The following MCCC1 variants were observed in gnomAD, a reference collection of about 807,000 sequenced individuals.
MCCC1 encodes the protein methylcrotonyl-CoA carboxylase subunit 1.
MCCC1 carries 64 observed loss-of-function variants against 83.8 expected under a neutral mutation model. That is an observed-to-expected ratio of 0.76 (90% confidence interval 0.62 to 0.94). MCCC1 has a LOEUF of 0.94. MCCC1 is among the 40% of genes least tolerant of loss of function. The pLI is 0.00. For missense variants in MCCC1, 807 were observed against 904.7 expected, an observed-to-expected ratio of 0.89 and a Z score of 1.39; for synonymous variants, 322 against 315.4, an observed-to-expected ratio of 1.02 and a Z score of -0.22.
At chr3:183,021,692 C>A (rs1374990565) in intron 16 of MCCC1, among the ~76,000 whole-genome samples, 4 of 152,170 alleles carry the variant, frequency 2.6e-5, no homozygotes, top group Non-Finnish European at 4.4e-5. Context: ...CGGCCTCTAT[C>A]ATCATATTAC....
intron 1 of MCCC1, among the ~76,000 whole-genome samples, chr3:183,113,008 G>A (rs1039732867): frequency 2.6e-5 from 4 of 152,006 alleles, no homozygotes; most frequent in Admixed American, 2.0e-4. Flanking sequence ...GGCGGATCAC[G>A]AAGTCAAGAG....
chr3:183,018,536 G>A (rs1000038618), intron 17 of MCCC1, among the ~76,000 whole-genome samples: 1 of 152,274 alleles, frequency 6.6e-6, no homozygotes, highest in African/African-American at 2.4e-5. Flanking sequence ...GAGCCCTACA[G>A]GTCAATCTGG....
chr3:183,103,672 C>T (rs1719356101), upstream of MCCC1, among the ~76,000 whole-genome samples: 1 of 152,216 alleles, frequency 6.6e-6, no homozygotes, highest in Admixed American at 6.5e-5. Flanking sequence ...CTCAGGAGTC[C>T]AGGTGGCTTC....
At chr3:183,101,113 C>T (rs1421874821), upstream of MCCC1, among the ~76,000 whole-genome samples, 3 of 152,272 alleles carry the variant, frequency 2.0e-5, no homozygotes, top group Admixed American at 6.5e-5. Flanking sequence ...GATTTCTCGC[C>T]GGGCCTTGGC....
In MCCC1 at chr3:183,040,556, C is replaced by CAAAAAAAAAAAA. The variant is rs59767617; in HGVS notation, c.1267+999_1267+1010dup. The stretch of plus-strand genomic sequence containing the variant: ...TGAAAACCTGTCTCTACTAAAAATA[C>CAAAAAAAAAAAA]AAAAAAAAAAAAAAAAATTAGCTAG... On this transcript the variant is annotated intron_variant, in intron 11 of 18. Coordinates refer to ENST00000265594, the MANE Select transcript of MCCC1 (RefSeq NM_020166.5). Among the ~76,000 whole-genome samples the CAAAAAAAAAAAA allele has an allele frequency of 9.8e-5, 11 of 112,574 alleles. No homozygotes were observed. In the East Asian group the frequency reaches 1.0e-3, roughly 11 times the overall value. 73.9% of individuals were successfully genotyped at this position (112,574 alleles called of 152,430 possible).
intron 4 of MCCC1, among the ~76,000 whole-genome samples, chr3:183,076,132 T>G (rs1277000528): frequency 1.3e-5 from 2 of 152,238 alleles, no homozygotes; most frequent in South Asian, 2.1e-4. Context: ...CAACTACAAT[T>G]GGATCACTAC....
chr3:183,097,771 T>G (rs1718847301), intron 1 of MCCC1, among the ~76,000 whole-genome samples: 1 of 152,198 alleles, frequency 6.6e-6, no homozygotes, highest in East Asian at 1.9e-4. Flanking sequence ...TTGAGGATAG[T>G]TCTTTAGACA....
intron 8 of MCCC1, among the ~76,000 whole-genome samples, chr3:183,054,467 G>A (rs529095442): frequency 2.6e-5 from 4 of 152,188 alleles, no homozygotes; most frequent in African/African-American, 4.8e-5. Flanking sequence ...GATTACAGGC[G>A]TGAGCCACCG....
chr3:183,034,799 G>C (rs1332054338), intron 13 of MCCC1, among the ~76,000 whole-genome samples: 1 of 143,532 alleles, frequency 7.0e-6, no homozygotes, highest in Non-Finnish European at 1.5e-5. Flanking sequence ...TCTTTTTTGA[G>C]ACGAGTCTCG....
At chr3:183,104,445 A>G (rs1719375236), upstream of MCCC1, among the ~76,000 whole-genome samples, 1 of 146,418 alleles carries the variant, frequency 6.8e-6, no homozygotes. Flanking sequence ...GTATAACACA[A>G]TACTCAGAAG....
intron 10 of MCCC1, 44 bp downstream of exon 10, chr3:183,045,369 C>T (rs767827009): frequency 3.1e-6 from 5 of 1,609,888 alleles, no homozygotes; most frequent in Admixed American, 1.7e-5. Context: ...CTTGAGCCAC[C>T]GCACCCAGCC....
At chr3:183,017,475 A>G (rs993148702) in intron 17 of MCCC1, 138 bp from the exon 18 acceptor site, 1 of 793,176 alleles carries the variant, frequency 1.3e-6, no homozygotes, top group Non-Finnish European at 2.1e-6. Context: ...TAAACAATAA[A>G]ACATAAATAA....
intron 14 of MCCC1, among the ~76,000 whole-genome samples, chr3:183,027,312 G>T (rs1712693287): frequency 6.6e-6 from 1 of 152,074 alleles, no homozygotes; most frequent in South Asian, 2.1e-4. Context: ...ACCCTACAAT[G>T]GCCTATAAGT....
At chr3:183,061,165 G>T (rs979102547) in intron 7 of MCCC1, among the ~76,000 whole-genome samples, 1 of 152,166 alleles carries the variant, frequency 6.6e-6, no homozygotes, top group South Asian at 2.1e-4. Flanking sequence ...GGTAGGGTAT[G>T]GGGGAGGGAA....
chr3:183,090,479 CA>C (rs779121036), intron 3 of MCCC1, among the ~76,000 whole-genome samples: 3 of 152,186 alleles, frequency 2.0e-5, no homozygotes, highest in Non-Finnish European at 4.4e-5. Flanking sequence ...GCCACATGCA[CA>C]CAATGTGGAA....
At position 183,022,909 on chromosome 3, in the gene MCCC1, CAT is replaced by C. The variant is rs201853999; in HGVS notation, c.1732-357_1732-356del. Among the ~76,000 whole-genome samples, 31 of 152,248 alleles carry C rather than the reference CAT, an allele frequency of 2.0e-4. No homozygotes were observed. The East Asian group carries it at 5.0e-3, about 25-fold the overall frequency. ...TATTAAAATTCATTTGCATATATTA[CAT>C]GTTTGTAATATAAACTTATTTCTGA... On this transcript the variant is annotated intron_variant, in intron 15 of 18. Transcript: ENST00000265594.
At chr3:183,098,385 T>A (rs1328609197) in intron 1 of MCCC1, 3 of 152,258 alleles carry the variant, frequency 2.0e-5, no homozygotes, top group African/African-American at 7.2e-5. Flanking sequence ...CAGATTGTGC[T>A]TAAACCTCAT....
chr3:183,053,070 A>C (rs1304150933), intron 8 of MCCC1, among the ~76,000 whole-genome samples: 1 of 152,190 alleles, frequency 6.6e-6, no homozygotes, highest in Non-Finnish European at 1.5e-5. Flanking sequence ...GAAAACTTTT[A>C]TTGGGACAAG....
At chr3:183,078,050 C>T (rs918677982) in intron 4 of MCCC1, among the ~76,000 whole-genome samples, 1 of 152,146 alleles carries the variant, frequency 6.6e-6, no homozygotes, top group African/African-American at 2.4e-5. Flanking sequence ...GACAGAGCCT[C>T]GCAGTGTCTC....
Sources: allele counts gnomAD v4.1 joint callset (sites outside exome capture counted in the v4.1 genomes callset), GRCh38; gene constraint gnomAD v4.1.1; transcripts MANE v1.5; gene names NCBI Gene and HGNC (gene_info 2026-07-23, HGNC 2026-07-21).